The following NEMP1 variants were observed in gnomAD, a reference collection of about 807,000 sequenced individuals.
NEMP1 encodes transmembrane protein 194.
NEMP1 carries 29 observed loss-of-function variants against 53.7 expected under a neutral mutation model. That is an observed-to-expected ratio of 0.54 (90% confidence interval 0.40 to 0.74). The LOEUF is 0.74. Ranked by LOEUF, NEMP1 falls within the 30% of genes least tolerant of loss-of-function variation. The pLI is 0.00. For missense variants in NEMP1, 477 were observed against 528.6 expected (o/e 0.90, Z 0.96); for synonymous variants, 193 against 192.9 (o/e 1.00, Z 0.00).
At chr12:57,065,686 G>C (rs2032038961) in intron 4 of NEMP1, among the ~76,000 whole-genome samples, 1 of 151,614 alleles carries the variant, frequency 6.6e-6, no homozygotes, top group Admixed American at 6.6e-5. Flanking sequence ...TTTTTGTAAA[G>C]GCAGGGTTTC....
chr12:57,072,870 A>G lies in NEMP1; in HGVS notation c.170T>C (p.Val57Ala), dbSNP rs2032417889. 2 of 1,613,608 alleles carry G rather than the reference A, an allele frequency of 1.2e-6. No individual in the cohort carries two copies. The highest frequency in any genetic ancestry group is 1.7e-6 in the Non-Finnish European group (2 of 1,179,770). Residue 57 changes from valine (V) to alanine (A), a missense_variant, in exon 2 of 9, where the codon GTT becomes GCT. Coordinates refer to ENST00000300128, the MANE Select transcript of NEMP1 (RefSeq NM_001130963.2). The part of the protein sequence containing the change: ...VNVVMLQESQ[V>A]CEKRASQQFC... The stretch of plus-strand genomic sequence containing the variant: ...TTGTTGGCTGGCACGCTTTTCACAA[A>G]CTTGGGATTCCTGAAGCATGACCAC...
intron 4 of NEMP1, among the ~76,000 whole-genome samples, chr12:57,067,746 C>T (rs1055749047): frequency 6.6e-6 from 1 of 152,124 alleles, no homozygotes; most frequent in Non-Finnish European, 1.5e-5. Flanking sequence ...AATAATCAGC[C>T]TTTACGTAAT....
intron 1 of NEMP1, among the ~76,000 whole-genome samples, chr12:57,087,364 G>A (rs1229094471): frequency 6.6e-6 from 1 of 151,972 alleles, no homozygotes; most frequent in Non-Finnish European, 1.5e-5. Context: ...GTGCGTCACG[G>A]GGAGCGTGGG....
At chr12:57,075,607 T>G (rs2136514543) in intron 1 of NEMP1, among the ~76,000 whole-genome samples, 1 of 150,750 alleles carries the variant, frequency 6.6e-6, no homozygotes, top group African/African-American at 2.4e-5. Flanking sequence ...GGGGATTGCC[T>G]GACCTCAGGA....
chr12:57,078,573 ACCCCCTCGGCACCTG>A (rs759241216), intron 1 of NEMP1, 31 bp downstream of exon 1: 3 of 1,569,736 alleles, frequency 1.9e-6, no homozygotes, highest in Admixed American at 1.8e-5. Flanking sequence ...TCCAAAAATA[ACCCCCTCGGCACCTG>A]CCCCCTTGGC....
rs1173094471 is a variant in NEMP1, at chr12:57,058,816, T to C, written c.*1063A>G. Reference sequence around the variant, plus strand: ...GGGAGTATGGGTGGTGAGAAAAGGCTGAAAGGAATGGACAGAGCATGTAGA... The same window carrying C: ...GGGAGTATGGGTGGTGAGAAAAGGCCGAAAGGAATGGACAGAGCATGTAGA... On this transcript the variant is annotated 3_prime_UTR_variant, in exon 9 of 9. Transcript: ENST00000300128. 3 of 152,016 alleles carry C rather than the reference T, an allele frequency of 2.0e-5. No homozygotes were observed. The highest frequency in any genetic ancestry group is 4.4e-5 in the Non-Finnish European group (3 of 68,012). 9.4% of individuals were successfully genotyped at this position (152,016 alleles called of 1,614,324 possible).
upstream of NEMP1, among the ~76,000 whole-genome samples, chr12:57,081,190 C>T (rs1234194342): frequency 2.0e-5 from 3 of 152,192 alleles, no homozygotes; most frequent in East Asian, 3.9e-4. Flanking sequence ...CTACAAAATA[C>T]CTGACCAGTA....
chr12:57,074,000 G>T (rs1440298844), intron 1 of NEMP1, among the ~76,000 whole-genome samples: 1 of 151,660 alleles, frequency 6.6e-6, no homozygotes, highest in Non-Finnish European at 1.5e-5. Flanking sequence ...ACAGGGTCTG[G>T]CTCTGCTGCT....
At chr12:57,065,121 C>A (rs2032009720) in intron 4 of NEMP1, among the ~76,000 whole-genome samples, 1 of 152,192 alleles carries the variant, frequency 6.6e-6, no homozygotes, top group Non-Finnish European at 1.5e-5. Flanking sequence ...GGTCTCACTT[C>A]CATGTTGATG....
At chr12:57,062,357 G>A (rs554162562) in intron 7 of NEMP1, among the ~76,000 whole-genome samples, 4 of 152,168 alleles carry the variant, frequency 2.6e-5, no homozygotes, top group South Asian at 2.1e-4. Flanking sequence ...GCGCCCACCC[G>A]TAGTCCCAAC....
intron 7 of NEMP1, 97 bp from the exon 8 acceptor site, chr12:57,061,042 G>GC (rs2031774593): frequency 8.0e-7 from 1 of 1,256,932 alleles, no homozygotes; most frequent in African/African-American, 1.5e-5. Flanking sequence ...ACAGCAGACA[G>GC]CCTGAACATT....
chr12:57,063,817 T>C (rs2031937344), intron 6 of NEMP1, among the ~76,000 whole-genome samples: 1 of 152,236 alleles, frequency 6.6e-6, no homozygotes. Context: ...TTCAGAAAGA[T>C]GTTTATTGTG....
In NEMP1 at chr12:57,057,689, A is replaced by C. The variant is rs2031594060; in HGVS notation, c.*2190T>G. 1 of 152,232 alleles carries C rather than the reference A, an allele frequency of 6.6e-6. No individual in the cohort carries two copies. Among genetic ancestry groups the C allele is most frequent in the East Asian group, 1.9e-4 (1 of 5,204 alleles). 9.4% of individuals were successfully genotyped at this position (152,232 alleles called of 1,614,324 possible). On this transcript the variant is annotated 3_prime_UTR_variant, in exon 9 of 9. Transcript: ENST00000300128. ...AAACAGTTTGATTTTATTCACCTCAAGTCTAAACACGGTGGAAAAAAAACT... is the reference window on the plus strand; with the variant it reads ...AAACAGTTTGATTTTATTCACCTCACGTCTAAACACGGTGGAAAAAAAACT...
At chr12:57,061,610 T>C (rs1292868964) in intron 7 of NEMP1, among the ~76,000 whole-genome samples, 7 of 150,754 alleles carry the variant, frequency 4.6e-5, no homozygotes, top group Non-Finnish European at 8.8e-5. Flanking sequence ...GGACAATCGC[T>C]TGAACCAGGG....
rs200052840 is a variant in NEMP1 at position 57,064,754 on chromosome 12, T to G, written c.546-15A>C. 1.3e-6 allele frequency: 2 copies of G among 1,581,550 alleles called. No individual in the cohort carries two copies. Among genetic ancestry groups the G allele is most frequent in the Non-Finnish European group, 1.7e-6 (2 of 1,152,464 alleles). ...AAATTTGACTTCTGCAGGAAAAAAA[T>G]GTATTTCATGACCATATGTATATAT... On this transcript the variant is annotated splice_polypyrimidine_tract_variant and intron_variant, in intron 4 of 8. Transcript: ENST00000300128.
chr12:57,078,536 G>A, intron 1 of NEMP1, 83 bp downstream of exon 1: 1 of 1,509,798 alleles, frequency 6.6e-7, no homozygotes, highest in East Asian at 2.4e-5. Context: ...GCAGAGTAAC[G>A]GCCCGCGCCC....
At chr12:57,063,080 T>C (rs1354174111) in intron 7 of NEMP1, 39 bp downstream of exon 7, 1 of 1,517,906 alleles carries the variant, frequency 6.6e-7, no homozygotes, top group Non-Finnish European at 9.1e-7. Flanking sequence ...CATCCCACAA[T>C]GTACCTGTCA....
chr12:57,081,723 T>C (rs977438398), upstream of NEMP1, among the ~76,000 whole-genome samples: 10 of 145,698 alleles, frequency 6.9e-5, no homozygotes, highest in South Asian at 2.2e-4. Context: ...CTGGCTAACA[T>C]GGTGAAACCC....
chr12:57,060,754 A>T lies in NEMP1; in HGVS notation c.1154+18T>A. The stretch of plus-strand genomic sequence containing the variant: ...ACAATTACCCTGATAGATGCTTGGT[A>T]TATCTGGCCGAGTTTACCTTTTTGG... On this transcript the variant is annotated intron_variant, in intron 8 of 8. Coordinates refer to ENST00000300128, the MANE Select transcript of NEMP1 (RefSeq NM_001130963.2). The T allele has an allele frequency of 6.2e-7, 1 of 1,607,042 alleles. No homozygotes were observed. Among genetic ancestry groups the T allele is most frequent in the Non-Finnish European group, 8.5e-7 (1 of 1,176,774 alleles).
Sources: allele counts gnomAD v4.1 joint callset (sites outside exome capture counted in the v4.1 genomes callset), GRCh38; gene constraint gnomAD v4.1.1; transcripts MANE v1.5; gene names NCBI Gene and HGNC (gene_info 2026-07-23, HGNC 2026-07-21).